Variants in IGF2R observed in about 807,000 individuals in gnomAD.
IGF2R encodes the protein cation-independent mannose-6-phosphate receptor.
In IGF2R, 91 loss-of-function variants were observed where a neutral mutation model predicts 270.6. That is an observed-to-expected ratio of 0.34 (90% CI 0.28 to 0.40). IGF2R has a LOEUF of 0.40. Among genes scored for constraint, IGF2R ranks in the 10% least tolerant of loss-of-function variants. IGF2R has a pLI of 1.00. For synonymous variants in IGF2R, 1,316 were observed against 1,258.9 expected, an observed-to-expected ratio of 1.05 and a Z score of -0.96; for missense variants, 2,805 against 3,188.3, an observed-to-expected ratio of 0.88 and a Z score of 2.90.
In IGF2R at chr6:160,064,550, C is replaced by T. The variant is rs768867938; in HGVS notation, c.4017+19C>T. 25 of 1,613,002 alleles carry T rather than the reference C, an allele frequency of 1.5e-5. No homozygotes were observed. The highest frequency in any genetic ancestry group is 3.3e-5 in the South Asian group (3 of 91,012). On this transcript the variant is annotated intron_variant, in intron 28 of 47. Coordinates refer to ENST00000356956, the MANE Select transcript of IGF2R (RefSeq NM_000876.4). ...CCAGCGGGTGAGCATGTACCGACGG[C>T]CCTCAGCGGGGTCTTCTCCCCACCC...
intron 44 of IGF2R, among the ~76,000 whole-genome samples, chr6:160,092,827 C>G (rs963118474): frequency 1.3e-5 from 2 of 152,230 alleles, no homozygotes; most frequent in Non-Finnish European, 2.9e-5. Context: ...ACTCTCGCCT[C>G]TGCATTCCTG....
In IGF2R at chr6:160,060,599, A is replaced by G; in HGVS notation, c.3144A>G (p.Ser1048=). 1 of 1,614,172 alleles carries G rather than the reference A, an allele frequency of 6.2e-7. No homozygotes were observed. The part of the protein sequence containing the change: ...VRFVCNDDVY[S]GPLKFLHQDI... ...TTGTTTGCAATGATGATGTTTACTC[A>G]GGGCCCCTCAAATTCCTGCATCAAG... is the stretch of plus-strand genomic sequence containing the variant. Residue 1048 remains serine, a synonymous_variant, in exon 23 of 48, where the codon TCA becomes TCG. Coordinates refer to ENST00000356956, the MANE Select transcript of IGF2R (RefSeq NM_000876.4).
chr6:160,074,138 G>A (rs1199973906), intron 35 of IGF2R, 163 bp downstream of exon 35: 1 of 613,302 alleles, frequency 1.6e-6, no homozygotes, highest in Non-Finnish European at 2.9e-6. Flanking sequence ...AAGATTAAAG[G>A]TTTGCACATT....
rs1402455134 is a variant in IGF2R, at chr6:160,109,297, TGGGTTGCTAGAGACA to T, written c.*4218_*4232del. The stretch of plus-strand genomic sequence containing the variant: ...CTCGGTGACAACCAAGAAGTGATGG[TGGGTTGCTAGAGACA>T]GGGTGGAGCACAGAGCCCTGGAAGG... On this transcript the variant is annotated 3_prime_UTR_variant, in exon 48 of 48. Transcript: ENST00000356956. 6.6e-6 allele frequency: 1 copy of T among 152,030 alleles called. No individual in the cohort carries two copies. Among genetic ancestry groups the T allele is most frequent in the Non-Finnish European group, 1.5e-5 (1 of 68,006 alleles). The allele number at this position is 152,030 out of a possible 1,614,324, so 9.4% of individuals were successfully genotyped here. A position where few individuals can be genotyped will look rare whatever the true frequency, so the allele number is the denominator to read the frequency against.
chr6:160,079,487 T>C, intron 37 of IGF2R, 93 bp from the exon 38 acceptor site: 1 of 872,178 alleles, frequency 1.1e-6, no homozygotes, highest in Non-Finnish European at 1.6e-6. Context: ...CTCATGAACC[T>C]GCCTCCAGCA....
chr6:160,038,549 T>G (rs1393754547), intron 10 of IGF2R, among the ~76,000 whole-genome samples: 3 of 152,260 alleles, frequency 2.0e-5, no homozygotes. Context: ...CACGTTTTTC[T>G]TCACGTTTGC....
intron 11 of IGF2R, 32 bp downstream of exon 11, chr6:160,040,756 C>A: frequency 6.3e-7 from 1 of 1,583,272 alleles, no homozygotes; most frequent in Non-Finnish European, 8.6e-7. Context: ...GGGTCTTAGT[C>A]CACATGCTCA....
chr6:160,050,608 A>C lies in IGF2R; in HGVS notation c.2650A>C (p.Thr884Pro). Residue 884 changes from threonine to proline, a missense_variant, in exon 19 of 48, where the codon ACA (threonine) becomes CCA (proline). Physicochemically the swap from Thr to Pro is conservative, Grantham distance 38. Transcript: ENST00000356956. The surrounding 1 kb of genome is among the most constrained non-coding windows in gnomAD (Gnocchi z 4.0). ...ACTTSDGRQT[T>P]YTTRIHLVCS... ...CACCACCAGCGATGGCAGACAGACC[A>C]CATATACCACGAGGATCCATCTCGT... 1 of 1,613,694 alleles carries C rather than the reference A, an allele frequency of 6.2e-7. No homozygotes were observed.
intron 45 of IGF2R, among the ~76,000 whole-genome samples, chr6:160,100,401 C>CATTATA (rs1562379545): frequency 6.6e-6 from 1 of 152,032 alleles, no homozygotes; most frequent in African/African-American, 2.4e-5. Flanking sequence ...TAAAGAGGGT[C>CATTATA]ATTATAATTT....
intron 1 of IGF2R, among the ~76,000 whole-genome samples, chr6:159,984,183 G>A (rs1354070260): frequency 1.3e-5 from 2 of 152,162 alleles, no homozygotes; most frequent in East Asian, 1.9e-4. Flanking sequence ...CATTAAAAAC[G>A]AGAAGAGAAG....
At chr6:160,052,373 C>A (rs9457815) in intron 19 of IGF2R, among the ~76,000 whole-genome samples, 2 of 152,126 alleles carry the variant, frequency 1.3e-5, no homozygotes, top group Non-Finnish European at 2.9e-5. Context: ...ATCCAACTTA[C>A]AAGGGATGTG....
rs1277632606 is a variant in IGF2R, at chr6:160,032,939, T to C, written c.1046-3T>C. ...CTCTTCTTGTTAATTTCCCTGTTTT[T>C]AGGTTCATCCTATATTTCAGATGGA... On this transcript the variant is annotated splice_polypyrimidine_tract_variant and splice_region_variant and intron_variant, in intron 8 of 47. Coordinates refer to ENST00000356956, the MANE Select transcript of IGF2R (RefSeq NM_000876.4). The C allele has an allele frequency of 3.8e-6, 6 of 1,586,038 alleles. No individual in the cohort carries two copies.
intron 42 of IGF2R, 46 bp from the exon 43 acceptor site, chr6:160,089,049 AGTCTTCCCTTAT>A (rs1177216995): frequency 5.1e-6 from 8 of 1,560,834 alleles, no homozygotes; most frequent in Non-Finnish European, 6.1e-6. Context: ...ATTGTTTTGC[AGTCTTCCCTTAT>A]GTCTGGCTGG....
chr6:160,055,246 C>G (rs898874735), intron 19 of IGF2R, among the ~76,000 whole-genome samples: 4 of 152,174 alleles, frequency 2.6e-5, no homozygotes, highest in Non-Finnish European at 5.9e-5. Context: ...TCTGTGCATT[C>G]CCTGCCTGTG....
intron 36 of IGF2R, among the ~76,000 whole-genome samples, chr6:160,076,204 C>T (rs1778852322): frequency 6.6e-6 from 1 of 152,238 alleles, no homozygotes; most frequent in Non-Finnish European, 1.5e-5. Context: ...CATATAGAAA[C>T]TTGCTGTAAT....
intron 44 of IGF2R, chr6:160,094,161 TTGG>T (rs1779294406): frequency 5.0e-6 from 2 of 400,312 alleles, no homozygotes; most frequent in Non-Finnish European, 9.6e-6. Context: ...AAACCTGCTT[TTGG>T]TCTATAAACA....
At chr6:160,076,731 C>A (rs1395772610) in intron 36 of IGF2R, among the ~76,000 whole-genome samples, 2 of 152,218 alleles carry the variant, frequency 1.3e-5, no homozygotes, top group Non-Finnish European at 2.9e-5. Flanking sequence ...AAACTTGGGG[C>A]TCCTTTGACA....
chr6:159,988,782 T>C (rs1783930803), intron 1 of IGF2R, among the ~76,000 whole-genome samples: 1 of 152,198 alleles, frequency 6.6e-6, no homozygotes, highest in Non-Finnish European at 1.5e-5. Flanking sequence ...GTTTATCTTG[T>C]ATCCTGCAAC....
chr6:159,999,082 A>T (rs966702227), intron 2 of IGF2R, among the ~76,000 whole-genome samples: 1 of 152,188 alleles, frequency 6.6e-6, no homozygotes, highest in Admixed American at 6.5e-5. Context: ...CTCAGAAAGA[A>T]ACATTTAATA....
Sources: allele counts gnomAD v4.1 joint callset (sites outside exome capture counted in the v4.1 genomes callset), GRCh38; gene constraint gnomAD v4.1.1; non-coding constraint Gnocchi (gnomAD v3.1); transcripts MANE v1.5; gene names NCBI Gene and HGNC (gene_info 2026-07-23, HGNC 2026-07-21).